CEP170: variants seen among roughly 807,000 people sequenced by gnomAD.
CEP170 encodes the protein centrosomal protein 170.
Under a neutral mutation model 151.9 loss-of-function variants are expected in CEP170, and 21 were observed. The ratio of observed to expected loss-of-function variants is 0.14; its 90% CI spans 0.10 to 0.20. The LOEUF is 0.20. Among genes scored for constraint, CEP170 ranks in the 10% least tolerant of loss-of-function variants. The probability of loss-of-function intolerance (pLI) is 1.00; values close to 1 mark genes in which losing one functional copy is unlikely to be tolerated. For missense variants in CEP170, 964 were observed against 1,892.9 expected, an observed-to-expected ratio of 0.51 and a Z score of 9.11; for synonymous variants, 356 against 648.8, an observed-to-expected ratio of 0.55 and a Z score of 6.86.
chr1:243,239,842 ATTAC>A (rs1418907285), intron 1 of CEP170, among the ~76,000 whole-genome samples: 1 of 152,222 alleles, frequency 6.6e-6, no homozygotes, highest in Non-Finnish European at 1.5e-5. Context: ...TAAAGTGGCT[ATTAC>A]TTAGTAATCC....
intron 1 of CEP170, among the ~76,000 whole-genome samples, chr1:243,229,728 A>G (rs566800899): frequency 1.6e-4 from 25 of 152,306 alleles, no homozygotes; most frequent in African/African-American, 4.3e-4. Flanking sequence ...TGAGAAACCA[A>G]TACAAAAGCT....
At chr1:243,140,326 A>G in intron 15 of CEP170, 1 of 587,134 alleles carries the variant, frequency 1.7e-6, no homozygotes, top group Non-Finnish European at 2.6e-6. Context: ...TTATTTTCAA[A>G]ATCCAAAATA....
In CEP170 at chr1:243,242,508, A is replaced by G. The variant is rs906259522; in HGVS notation, c.-42+12532T>C. ...GCTGGGATCACAGGTGTGAGCCACC[A>G]CGCCCGGCCAATGAGTTATGTTCTA... On this transcript the variant is annotated intron_variant, in intron 1 of 19. Transcript: ENST00000366542. Among the ~76,000 whole-genome samples, 3 of 151,898 alleles carry G rather than the reference A, an allele frequency of 2.0e-5. No homozygotes were observed. In the East Asian group the frequency reaches 5.8e-4, roughly 30 times the overall value.
intron 14 of CEP170, among the ~76,000 whole-genome samples, chr1:243,155,617 T>C (rs1168509749): frequency 6.6e-6 from 1 of 152,130 alleles, no homozygotes. Flanking sequence ...TAGTAAGTTA[T>C]TAATTTCCAT....
chr1:243,195,556 C>A (rs2060592311), intron 7 of CEP170, among the ~76,000 whole-genome samples: 1 of 151,898 alleles, frequency 6.6e-6, no homozygotes, highest in Non-Finnish European at 1.5e-5. Context: ...ACTCTATTAT[C>A]CTTTCTGGAA....
rs765136262 is a variant in CEP170 at position 243,164,594 on chromosome 1, T to C, written c.3366A>G (p.Ala1122=). ...SDSELADADK[A]SVASEVSTTS... ...TTGTGGATACTTCAGAAGCAACAGATGCTTTGTCAGCATCAGCAAGTTCAC... is the reference window on the plus strand; with the variant it reads ...TTGTGGATACTTCAGAAGCAACAGACGCTTTGTCAGCATCAGCAAGTTCAC... The change falls in exon 13 of 20, where the codon GCA becomes GCG. Residue 1122 remains alanine (A), a synonymous_variant. Transcript: ENST00000366542. 1.5e-5 allele frequency: 25 copies of C among 1,613,748 alleles called. No homozygotes were observed. Among genetic ancestry groups the C allele is most frequent in the Middle Eastern group, 1.7e-4 (1 of 6,056 alleles).
At chr1:243,145,938 A>C (rs2056432922) in intron 14 of CEP170, among the ~76,000 whole-genome samples, 1 of 152,210 alleles carries the variant, frequency 6.6e-6, no homozygotes, top group Admixed American at 6.5e-5. Context: ...ACTATCTAGA[A>C]GAGTTTAGTA....
chr1:243,165,883 CTTGT>C lies in CEP170; in HGVS notation c.2073_2076del (p.Gln692MetfsTer6), dbSNP rs2058403830. On this transcript the variant is annotated frameshift_variant, in exon 13 of 20. Transcript: ENST00000366542. LOFTEE classifies it high-confidence loss of function. ...ATTTTACTCAAGGGTCTGTCAGCAT[CTTGT>C]TTATCTTTCTGGTATACCTGTGTAG... 1.2e-6 allele frequency: 2 copies of C among 1,613,756 alleles called. No homozygotes were observed. Among genetic ancestry groups the C allele is most frequent in the African/African-American group, 2.7e-5 (2 of 74,934 alleles).
intron 3 of CEP170, 107 bp downstream of exon 3, chr1:243,221,617 T>C (rs1329862034): frequency 1.7e-6 from 2 of 1,147,622 alleles, no homozygotes; most frequent in Non-Finnish European, 2.4e-6. Flanking sequence ...GAAAATAACA[T>C]ACAAAGTAAA....
intron 12 of CEP170, 183 bp downstream of exon 12, chr1:243,169,445 A>G: frequency 8.7e-7 from 1 of 1,153,206 alleles, no homozygotes; most frequent in Non-Finnish European, 1.2e-6. Context: ...ATTTATCAGC[A>G]TGAGAATATG....
At chr1:243,205,817 A>G (rs536367819) in intron 4 of CEP170, among the ~76,000 whole-genome samples, 10 of 152,322 alleles carry the variant, frequency 6.6e-5, no homozygotes, top group African/African-American at 2.2e-4. Context: ...AGAGATAAAC[A>G]AATTTTAAAA....
intron 13 of CEP170, among the ~76,000 whole-genome samples, chr1:243,158,719 T>C (rs2057782736): frequency 6.6e-6 from 1 of 152,182 alleles, no homozygotes; most frequent in South Asian, 2.1e-4. Context: ...TTTCATAGGC[T>C]GGTCTACCTA....
chr1:243,160,218 A>C (rs1469575368), intron 13 of CEP170, among the ~76,000 whole-genome samples: 2 of 152,226 alleles, frequency 1.3e-5, no homozygotes. Flanking sequence ...TTATAAAAAT[A>C]AATTTGATTT....
At chr1:243,153,028 G>A (rs1473898568) in intron 14 of CEP170, among the ~76,000 whole-genome samples, 13 of 152,232 alleles carry the variant, frequency 8.5e-5, no homozygotes, top group South Asian at 6.2e-4. Context: ...AAGATTAACC[G>A]GAGTTTGGAA....
chr1:243,144,775 A>C (rs952793583), intron 14 of CEP170, among the ~76,000 whole-genome samples: 2 of 152,172 alleles, frequency 1.3e-5, no homozygotes, highest in African/African-American at 4.8e-5. Flanking sequence ...TTGATTTGAA[A>C]ACCTAATAGA....
chr1:243,169,089 TAA>T (rs1387753837), intron 12 of CEP170: 1 of 154,118 alleles, frequency 6.5e-6, no homozygotes, highest in Non-Finnish European at 1.4e-5. Context: ...TATCTTCAGT[TAA>T]GTTTATACTT....
At chr1:243,239,484 A>G (rs922705876) in intron 1 of CEP170, among the ~76,000 whole-genome samples, 5 of 152,210 alleles carry the variant, frequency 3.3e-5, no homozygotes, top group Non-Finnish European at 5.9e-5. Flanking sequence ...AGTAAATGTA[A>G]TAATTTCACT....
chr1:243,233,549 T>C (rs932595580), intron 1 of CEP170, among the ~76,000 whole-genome samples: 2 of 151,814 alleles, frequency 1.3e-5, no homozygotes, highest in Non-Finnish European at 2.9e-5. Context: ...CTGGCTAACA[T>C]GGTGAAACCC....
At chr1:243,187,219 G>A (rs567197945) in intron 8 of CEP170, among the ~76,000 whole-genome samples, 5 of 152,102 alleles carry the variant, frequency 3.3e-5, no homozygotes, top group South Asian at 2.1e-4. Context: ...AGAATATATC[G>A]GAATTTTGAA....
Sources: allele counts gnomAD v4.1 joint callset (sites outside exome capture counted in the v4.1 genomes callset), GRCh38; gene constraint gnomAD v4.1.1; transcripts MANE v1.5; gene names NCBI Gene and HGNC (gene_info 2026-07-23, HGNC 2026-07-21).